The following SCO1 variants were observed in gnomAD, a reference collection of about 807,000 sequenced individuals.
SCO1 encodes synthesis of cytochrome C oxidase 1.
In SCO1, 23 loss-of-function variants were observed where a neutral mutation model predicts 34.0. That is an observed-to-expected ratio of 0.68 (90% CI 0.49 to 0.96). SCO1 has a LOEUF of 0.96. SCO1 is among the 40% of genes least tolerant of loss of function. The pLI, the probability that SCO1 is intolerant of heterozygous loss-of-function variation, is 0.00. For synonymous variants in SCO1, 161 were observed against 145.5 expected (o/e 1.11, Z -0.77); for missense variants, 404 against 381.6 (o/e 1.06, Z -0.49).
Position 10,672,952 on chromosome 17 carries a change from T to C in SCO1, c.*8167A>G, listed in dbSNP as rs556418808. 13 of 152,106 alleles carry C rather than the reference T, an allele frequency of 8.5e-5. No homozygotes were observed. The highest frequency in any genetic ancestry group is 1.3e-4 in the Non-Finnish European group (9 of 68,016). The allele number at this position is 152,106 out of a possible 1,614,324, so 9.4% of individuals were successfully genotyped here. On this transcript the variant is annotated 3_prime_UTR_variant, in exon 6 of 6. Coordinates refer to ENST00000255390, the MANE Select transcript of SCO1 (RefSeq NM_004589.4). Reference sequence around the variant, plus strand: ...AAAGAGAGTTGAAGTTTAGGTGCACTAGTTGGCACTTTGGGGCCTCATGTC... The same window carrying C: ...AAAGAGAGTTGAAGTTTAGGTGCACCAGTTGGCACTTTGGGGCCTCATGTC...
chr17:10,693,378 C>T (rs190276652), intron 2 of SCO1, among the ~76,000 whole-genome samples: 12 of 151,814 alleles, frequency 7.9e-5, no homozygotes, highest in East Asian at 5.8e-4. Flanking sequence ...ATAGTGGTGA[C>T]GGGACCTTAG....
intron 4 of SCO1, among the ~76,000 whole-genome samples, chr17:10,688,912 C>A (rs377397985): frequency 7.1e-6 from 1 of 141,038 alleles, no homozygotes; most frequent in East Asian, 1.9e-4. Context: ...GTCAGGAGAT[C>A]GAGACCATCC....
chr17:10,688,904 C>A (rs998189044), intron 4 of SCO1, among the ~76,000 whole-genome samples: 1 of 140,960 alleles, frequency 7.1e-6, no homozygotes, highest in Non-Finnish European at 1.5e-5. Flanking sequence ...ATCACGAGGT[C>A]AGGAGATCGA....
chr17:10,695,775 A>G lies in SCO1; in HGVS notation c.330T>C (p.Ala110=), dbSNP rs2074718918. ...ITFAIGGALL[A]GMKHVKKEKA... is the part of the protein sequence containing the mutation. ...TTTCTTTCTTGACGTGCTTCATTCCAGCCAGTAAAGCTCCTCCAATAGCAA... is the reference window on the plus strand; with the variant it reads ...TTTCTTTCTTGACGTGCTTCATTCCGGCCAGTAAAGCTCCTCCAATAGCAA... The change falls in exon 2 of 6, where the codon GCT becomes GCC. Residue 110 remains alanine, a synonymous_variant. Coordinates refer to ENST00000255390, the MANE Select transcript of SCO1 (RefSeq NM_004589.4). The G allele has an allele frequency of 8.1e-6, 13 of 1,613,682 alleles. No individual in the cohort carries two copies. In the East Asian group the frequency reaches 8.9e-5, roughly 11 times the overall value.
intron 3 of SCO1, 26 bp downstream of exon 3, chr17:10,692,738 T>C: frequency 6.3e-7 from 1 of 1,587,504 alleles, no homozygotes; most frequent in Non-Finnish European, 8.7e-7. Flanking sequence ...ACATATACTT[T>C]GTTTAGTTAG....
intron 5 of SCO1, among the ~76,000 whole-genome samples, chr17:10,685,717 A>G (rs2074651337): frequency 6.6e-6 from 1 of 152,190 alleles, no homozygotes; most frequent in African/African-American, 2.4e-5. Context: ...GGTTCTCCAG[A>G]AGAGCAATTT....
chr17:10,697,110 G>C (rs995759341), intron 1 of SCO1, 125 bp downstream of exon 1: 7 of 926,646 alleles, frequency 7.6e-6, no homozygotes, highest in Non-Finnish European at 1.1e-5. Context: ...CAGGTAAGGC[G>C]CGCAAGCTAA....
In SCO1 at chr17:10,697,277, C is replaced by A. The variant is rs776161556; in HGVS notation, c.231G>T (p.Ser77=). 2 of 1,566,050 alleles carry A rather than the reference C, an allele frequency of 1.3e-6. No individual in the cohort carries two copies. Among genetic ancestry groups the A allele is most frequent in the Non-Finnish European group, 1.7e-6 (2 of 1,155,456 alleles). Residue 77 remains serine (S), a synonymous_variant, in exon 1 of 6, where the codon TCG becomes TCT. Transcript: ENST00000255390. ...LSTARPPPPW[S]QKGPGDSTRP... Reference sequence around the variant, plus strand: ...GCGTGGAGTCTCCGGGGCCCTTCTGCGACCACGGGGGTGGCGGCCTCGCAG... The same window carrying A: ...GCGTGGAGTCTCCGGGGCCCTTCTGAGACCACGGGGGTGGCGGCCTCGCAG...
chr17:10,683,321 T>G (rs901469556), intron 5 of SCO1, among the ~76,000 whole-genome samples: 1 of 152,220 alleles, frequency 6.6e-6, no homozygotes, highest in African/African-American at 2.4e-5. Context: ...TTATACACAG[T>G]AGTTAAAAAA....
At chr17:10,689,744 T>G (rs1436051566) in intron 4 of SCO1, among the ~76,000 whole-genome samples, 1 of 152,154 alleles carries the variant, frequency 6.6e-6, no homozygotes, top group African/African-American at 2.4e-5. Flanking sequence ...AACAGACCCC[T>G]AATAGCCAAG....
intron 4 of SCO1, among the ~76,000 whole-genome samples, chr17:10,690,835 C>A: frequency 7.1e-6 from 1 of 141,456 alleles, no homozygotes; most frequent in East Asian, 1.9e-4. Context: ...ATACATACGT[C>A]ATGGAATACT....
intron 5 of SCO1, among the ~76,000 whole-genome samples, chr17:10,685,719 G>T (rs1009117856): frequency 2.6e-5 from 4 of 152,198 alleles, no homozygotes; most frequent in Non-Finnish European, 4.4e-5. Flanking sequence ...TTCTCCAGAA[G>T]AGCAATTTCT....
intron 5 of SCO1, 84 bp from the exon 6 acceptor site, chr17:10,681,337 A>G (rs2074621012): frequency 7.2e-7 from 1 of 1,396,930 alleles, no homozygotes; most frequent in South Asian, 1.2e-5. Flanking sequence ...AAGATAAGAG[A>G]ACTTTACATT....
chr17:10,695,528 A>ATTTT (rs2074715768), intron 2 of SCO1: 1 of 512,732 alleles, frequency 2.0e-6, no homozygotes, highest in Non-Finnish European at 3.5e-6. Context: ...TGCCATTTAA[A>ATTTT]ATTTCTTAGT....
At chr17:10,690,826 T>A (rs779285349) in intron 4 of SCO1, among the ~76,000 whole-genome samples, 1 of 151,122 alleles carries the variant, frequency 6.6e-6, no homozygotes, top group Non-Finnish European at 1.5e-5. Context: ...AAATGCAGTA[T>A]ACATACGTCA....
chr17:10,692,101 A>G (rs1171653028), intron 3 of SCO1, 137 bp from the exon 4 acceptor site: 1 of 704,936 alleles, frequency 1.4e-6, no homozygotes, highest in East Asian at 2.7e-5. Flanking sequence ...CATTCAGGTG[A>G]AGAGGAAGAG....
chr17:10,694,488 C>G (rs1402457525), intron 2 of SCO1, among the ~76,000 whole-genome samples: 1 of 152,106 alleles, frequency 6.6e-6, no homozygotes, highest in Non-Finnish European at 1.5e-5. Flanking sequence ...CACTGAACAG[C>G]AGCAAAATTA....
intron 5 of SCO1, among the ~76,000 whole-genome samples, chr17:10,682,007 C>G (rs951558356): frequency 1.3e-5 from 2 of 152,184 alleles, no homozygotes; most frequent in Admixed American, 1.3e-4. Flanking sequence ...TGCTGCCCCC[C>G]TAACCAGAGA....
chr17:10,683,390 G>A (rs907313533), intron 5 of SCO1, among the ~76,000 whole-genome samples: 3 of 152,036 alleles, frequency 2.0e-5, no homozygotes, highest in Admixed American at 6.6e-5. Context: ...TATATTTATA[G>A]GATAAAGTCC....
Sources: allele counts gnomAD v4.1 joint callset (sites outside exome capture counted in the v4.1 genomes callset), GRCh38; gene constraint gnomAD v4.1.1; transcripts MANE v1.5; gene names NCBI Gene and HGNC (gene_info 2026-07-23, HGNC 2026-07-21).